Variants in FRAS1 observed in about 807,000 individuals in gnomAD.
The protein encoded by FRAS1 is extracellular matrix organizing protein FRAS1.
Under a neutral mutation model 435.2 loss-of-function variants are expected in FRAS1, and 290 were observed. The observed-to-expected ratio is 0.67, with a 90% CI of 0.61 to 0.73. The LOEUF (loss-of-function observed/expected upper bound fraction) is 0.73. Ranked by LOEUF, FRAS1 falls within the 30% of genes least tolerant of loss-of-function variation. The pLI, the probability that FRAS1 is intolerant of heterozygous loss-of-function variation, is 0.00. For missense variants in FRAS1, 4,860 were observed against 5,001.5 expected (o/e 0.97, Z 0.85); for synonymous variants, 1,800 against 1,851.0 (o/e 0.97, Z 0.71).
At chr4:78,060,816 A>G (rs1739728745) in intron 1 of FRAS1, among the ~76,000 whole-genome samples, 1 of 152,242 alleles carries the variant, frequency 6.6e-6, no homozygotes, top group African/African-American at 2.4e-5. Context: ...TTAGTGGTCA[A>G]TTGCAATTTT....
intron 2 of FRAS1, among the ~76,000 whole-genome samples, chr4:78,215,196 T>C (rs918680944): frequency 4.6e-5 from 7 of 151,894 alleles, no homozygotes; most frequent in Non-Finnish European, 8.8e-5. Flanking sequence ...ATTATTATTA[T>C]TATTATTATT....
At chr4:78,498,585 A>G (rs139379770) in intron 60 of FRAS1, among the ~76,000 whole-genome samples, 74 of 152,228 alleles carry the variant, frequency 4.9e-4, no homozygotes, top group Non-Finnish European at 9.1e-4. Flanking sequence ...ATTAAAAACT[A>G]TAAAACCTCA....
At chr4:78,358,073 A>T (rs1422732973) in intron 20 of FRAS1, among the ~76,000 whole-genome samples, 2 of 152,146 alleles carry the variant, frequency 1.3e-5, no homozygotes, top group Non-Finnish European at 2.9e-5. Context: ...ACTGATTGAC[A>T]CCTCAGTTTA....
chr4:78,438,051 C>T (rs1243814379), intron 38 of FRAS1, among the ~76,000 whole-genome samples: 3 of 151,596 alleles, frequency 2.0e-5, no homozygotes, highest in African/African-American at 7.3e-5. Context: ...TCACGTTGAA[C>T]ATTGCTTAAA....
chr4:78,092,947 A>G (rs1029573343), intron 2 of FRAS1, among the ~76,000 whole-genome samples: 1 of 152,194 alleles, frequency 6.6e-6, no homozygotes, highest in Non-Finnish European at 1.5e-5. Context: ...AAGCAGAAAG[A>G]TACTTTATTA....
At chr4:78,459,792 GC>G (rs928958584) in intron 47 of FRAS1, among the ~76,000 whole-genome samples, 9 of 152,154 alleles carry the variant, frequency 5.9e-5, no homozygotes, top group African/African-American at 2.2e-4. Flanking sequence ...CCCGCCCCAG[GC>G]CTCTCTCCTT....
At chr4:78,459,242 C>A (rs541938025) in intron 47 of FRAS1, among the ~76,000 whole-genome samples, 4 of 152,306 alleles carry the variant, frequency 2.6e-5, no homozygotes, top group African/African-American at 9.6e-5. Flanking sequence ...GAATTGCTTC[C>A]TTCCCTCTTT....
chr4:78,152,536 C>CA (rs1268554974), intron 2 of FRAS1, among the ~76,000 whole-genome samples: 2 of 149,448 alleles, frequency 1.3e-5, no homozygotes, highest in African/African-American at 4.9e-5. Flanking sequence ...CAACTAGAGG[C>CA]AAACATTTTC....
At chr4:78,058,108 G>A in intron 1 of FRAS1, 23 bp downstream of exon 1, 1 of 1,585,934 alleles carries the variant, frequency 6.3e-7, no homozygotes, top group Non-Finnish European at 8.7e-7. Flanking sequence ...TGCCGCGTGT[G>A]TGTGTGTGTG....
At chr4:78,174,532 A>G (rs533604939) in intron 2 of FRAS1, among the ~76,000 whole-genome samples, 23 of 152,328 alleles carry the variant, frequency 1.5e-4, no homozygotes, top group African/African-American at 5.5e-4. Flanking sequence ...CTGGGATATA[A>G]CCAGTATGGA....
intron 2 of FRAS1, among the ~76,000 whole-genome samples, chr4:78,236,332 A>T (rs947278734): frequency 7.3e-5 from 11 of 151,088 alleles, no homozygotes; most frequent in South Asian, 4.2e-4. Flanking sequence ...AGGTTTTTTT[A>T]AAATTTTTTA....
rs375210016 is a variant in FRAS1, at chr4:78,521,633, A to G, written c.10648+3A>G. 2.5e-6 allele frequency: 4 copies of G among 1,574,018 alleles called. No individual in the cohort carries two copies. Among genetic ancestry groups the G allele is most frequent in the East Asian group, 4.5e-5 (2 of 44,190 alleles). On this transcript the variant is annotated splice_donor_region_variant and intron_variant, in intron 68 of 73. Transcript: ENST00000512123. ...CAAGACCCATGCCAAATTCAGAGGT[A>G]ATATCAATGCCGTTTTTTTTTTCCA...
chr4:78,298,562 G>T (rs937981602), intron 14 of FRAS1, among the ~76,000 whole-genome samples: 3 of 152,098 alleles, frequency 2.0e-5, no homozygotes, highest in Admixed American at 6.6e-5. Context: ...TGTCATGTTT[G>T]GTACTCTATA....
At chr4:78,236,381 G>C (rs1168279055) in intron 2 of FRAS1, among the ~76,000 whole-genome samples, 1 of 151,868 alleles carries the variant, frequency 6.6e-6, no homozygotes, top group African/African-American at 2.4e-5. Flanking sequence ...TGTTTACATG[G>C]AGAAATACTT....
chr4:78,242,449 T>A (rs892732910), intron 3 of FRAS1, among the ~76,000 whole-genome samples: 3 of 152,226 alleles, frequency 2.0e-5, no homozygotes, highest in African/African-American at 7.2e-5. Flanking sequence ...ATTATTATTT[T>A]ATTTTAGACA....
At chr4:78,368,783 G>A (rs1177369514) in intron 22 of FRAS1, among the ~76,000 whole-genome samples, 1 of 152,196 alleles carries the variant, frequency 6.6e-6, no homozygotes, top group Non-Finnish European at 1.5e-5. Context: ...AATGAGTTAA[G>A]AGTTAAAGAC....
rs17327 is a variant in FRAS1, at chr4:78,162,227, A to G, written c.109-75283A>G. Among the ~76,000 whole-genome samples the G allele has an allele frequency of 2.4e-3, 364 of 152,268 alleles. 5 individuals carry two copies. Among genetic ancestry groups the G allele is most frequent in the East Asian group, 8.5e-3 (44 of 5,184 alleles). On this transcript the variant is annotated intron_variant, in intron 2 of 73. Coordinates refer to ENST00000512123, the MANE Select transcript of FRAS1 (RefSeq NM_025074.7). ...GAGGAAACATAGATTTTATTCCTAT[A>G]CCTGAAAGGATCCACAAGAAAAAGG...
intron 20 of FRAS1, among the ~76,000 whole-genome samples, chr4:78,361,649 A>C (rs1334736645): frequency 6.6e-6 from 1 of 152,186 alleles, no homozygotes; most frequent in Non-Finnish European, 1.5e-5. Flanking sequence ...AGGATCACCA[A>C]CAGTGTACAG....
chr4:78,181,655 T>C lies in FRAS1; in HGVS notation c.109-55855T>C, dbSNP rs879082709. On this transcript the variant is annotated intron_variant, in intron 2 of 73. Coordinates refer to ENST00000512123, the MANE Select transcript of FRAS1 (RefSeq NM_025074.7). Reference sequence around the variant, plus strand: ...TTCGAATCTTCGTTCACAAGGTGGTTGCCTTTCTGGTCTTCTATCAATTAT... The same window carrying C: ...TTCGAATCTTCGTTCACAAGGTGGTCGCCTTTCTGGTCTTCTATCAATTAT... 5 of 1,609,808 alleles carry C rather than the reference T, an allele frequency of 3.1e-6. No individual in the cohort carries two copies. In the South Asian group the frequency reaches 3.3e-5, roughly 11 times the overall value.
Sources: allele counts gnomAD v4.1 joint callset (sites outside exome capture counted in the v4.1 genomes callset), GRCh38; gene constraint gnomAD v4.1.1; transcripts MANE v1.5; gene names NCBI Gene and HGNC (gene_info 2026-07-23, HGNC 2026-07-21).